GALNTL6: variants seen among roughly 807,000 people sequenced by gnomAD.
GALNTL6 encodes polypeptide N-acetylgalactosaminyltransferase-like 6.
GALNTL6 carries 46 observed loss-of-function variants against 73.7 expected under a neutral mutation model. The ratio of observed to expected loss-of-function variants is 0.62; its 90% confidence interval spans 0.49 to 0.80. GALNTL6 has a LOEUF of 0.80. Among genes scored for constraint, GALNTL6 ranks in the 30% least tolerant of loss-of-function variants. The pLI, the probability that GALNTL6 is intolerant of heterozygous loss-of-function variation, is 0.00. For missense variants in GALNTL6, 604 were observed against 755.0 expected, an observed-to-expected ratio of 0.80 and a Z score of 2.34; for synonymous variants, 259 against 263.7, an observed-to-expected ratio of 0.98 and a Z score of 0.17.
At chr4:171,822,512 G>A (rs746989208) in intron 2 of GALNTL6, among the ~76,000 whole-genome samples, 1 of 152,098 alleles carries the variant, frequency 6.6e-6, no homozygotes, top group African/African-American at 2.4e-5. Flanking sequence ...AAATTGCTTG[G>A]TACATGGTAA....
chr4:171,957,294 T>C (rs1309816741), intron 2 of GALNTL6, among the ~76,000 whole-genome samples: 5 of 152,236 alleles, frequency 3.3e-5, no homozygotes, highest in Admixed American at 3.3e-4. Flanking sequence ...GCTTTTACAA[T>C]GTGGGTTATT....
chr4:171,824,079 A>ATATG (rs1734760025), intron 2 of GALNTL6, among the ~76,000 whole-genome samples: 1 of 14,468 alleles, frequency 6.9e-5, no homozygotes, highest in African/African-American at 8.5e-5. Context: ...AATCCATTTT[A>ATATG]TATATATATA....
chr4:172,017,072 G>T (rs1579061972), intron 2 of GALNTL6, among the ~76,000 whole-genome samples: 1 of 152,264 alleles, frequency 6.6e-6, no homozygotes, highest in Non-Finnish European at 1.5e-5. Context: ...TAATAGGGGA[G>T]TTATTCCTGA....
chr4:172,868,408 A>G (rs982443906), intron 7 of GALNTL6, among the ~76,000 whole-genome samples: 1 of 152,222 alleles, frequency 6.6e-6, no homozygotes, highest in Non-Finnish European at 1.5e-5. Context: ...GAAAAAGGAT[A>G]TGAATACACG....
At chr4:172,775,053 T>C (rs1452208027) in intron 5 of GALNTL6, among the ~76,000 whole-genome samples, 1 of 151,526 alleles carries the variant, frequency 6.6e-6, no homozygotes, top group Non-Finnish European at 1.5e-5. Flanking sequence ...GTAACAATAG[T>C]TGGATGGTCT....
chr4:172,640,256 C>A (rs1231385654), intron 5 of GALNTL6, among the ~76,000 whole-genome samples: 1 of 152,132 alleles, frequency 6.6e-6, no homozygotes, highest in East Asian at 1.9e-4. Flanking sequence ...TCCCACGTGT[C>A]ACAGTGTGTT....
Position 171,988,452 on chromosome 4 carries a change from T to C in GALNTL6, c.138+173734T>C, listed in dbSNP as rs529967075. Among the ~76,000 whole-genome samples, 541 of 152,212 alleles carry C rather than the reference T, an allele frequency of 3.6e-3. 2 individuals carry two copies. The highest frequency in any genetic ancestry group is 6.0e-3 in the Non-Finnish European group (405 of 68,014). Reference sequence around the variant, plus strand: ...AGCCTAATGGGTGTCAGGGTCAGTCTAAGTGAAAGCGAAGAGAGGCTGGGA... The same window carrying C: ...AGCCTAATGGGTGTCAGGGTCAGTCCAAGTGAAAGCGAAGAGAGGCTGGGA... On this transcript the variant is annotated intron_variant, in intron 2 of 12. Transcript: ENST00000506823.
chr4:173,031,412 G>A (rs1368404862), intron 12 of GALNTL6, among the ~76,000 whole-genome samples: 1 of 152,202 alleles, frequency 6.6e-6, no homozygotes, highest in Admixed American at 6.5e-5. Flanking sequence ...TAACTATTTA[G>A]TTATAGCTAA....
At chr4:172,870,198 C>T (rs888739325) in intron 7 of GALNTL6, among the ~76,000 whole-genome samples, 3 of 152,030 alleles carry the variant, frequency 2.0e-5, no homozygotes, top group African/African-American at 7.2e-5. Context: ...CAAAAACAGC[C>T]TACTATTTGA....
At chr4:172,494,598 C>T (rs1341957282) in intron 5 of GALNTL6, among the ~76,000 whole-genome samples, 2 of 152,158 alleles carry the variant, frequency 1.3e-5, no homozygotes, top group African/African-American at 4.8e-5. Context: ...CAGTCCGAGT[C>T]CCAAAACCAC....
chr4:172,953,188 C>T (rs1749543804), intron 10 of GALNTL6, among the ~76,000 whole-genome samples: 1 of 152,132 alleles, frequency 6.6e-6, no homozygotes, highest in Non-Finnish European at 1.5e-5. Context: ...GCCCCAGGTC[C>T]CAAATTTAAA....
intron 2 of GALNTL6, among the ~76,000 whole-genome samples, chr4:172,172,333 G>T (rs1164847843): frequency 1.3e-5 from 2 of 152,038 alleles, no homozygotes; most frequent in Non-Finnish European, 2.9e-5. Context: ...AGGTAGCTGG[G>T]ACTACAGGCA....
chr4:171,982,178 T>A (rs1246991120), intron 2 of GALNTL6, among the ~76,000 whole-genome samples: 1 of 152,194 alleles, frequency 6.6e-6, no homozygotes, highest in Non-Finnish European at 1.5e-5. Context: ...TAACCACTTC[T>A]AATCTTCAGA....
At chr4:172,129,136 T>C (rs538075026) in intron 2 of GALNTL6, among the ~76,000 whole-genome samples, 1 of 152,318 alleles carries the variant, frequency 6.6e-6, no homozygotes, top group East Asian at 1.9e-4. Flanking sequence ...CCTTTAAGAC[T>C]CTTATCTCTT....
intron 2 of GALNTL6, among the ~76,000 whole-genome samples, chr4:172,223,389 A>G (rs757653643): frequency 2.5e-4 from 38 of 152,130 alleles, no homozygotes; most frequent in Non-Finnish European, 7.4e-5. Flanking sequence ...ATGTTCTGTA[A>G]TTGAGTTCAA....
At chr4:171,967,048 A>C (rs1306941596) in intron 2 of GALNTL6, among the ~76,000 whole-genome samples, 1 of 152,226 alleles carries the variant, frequency 6.6e-6, no homozygotes, top group Non-Finnish European at 1.5e-5. Context: ...AAAGCTGAGA[A>C]TATGAGAAAC....
chr4:171,892,887 C>A (rs1165839798), intron 2 of GALNTL6, among the ~76,000 whole-genome samples: 1 of 152,134 alleles, frequency 6.6e-6, no homozygotes, highest in African/African-American at 2.4e-5. Flanking sequence ...TGAAAGTTTT[C>A]TATCAAGCAC....
chr4:172,948,468 T>C (rs1749277389), intron 9 of GALNTL6, among the ~76,000 whole-genome samples: 1 of 152,078 alleles, frequency 6.6e-6, no homozygotes, highest in Non-Finnish European at 1.5e-5. Context: ...TTGTTTTTCT[T>C]TGAGACAGAG....
At chr4:172,685,774 A>T (rs374279463) in intron 5 of GALNTL6, among the ~76,000 whole-genome samples, 98 of 152,304 alleles carry the variant, frequency 6.4e-4, no homozygotes, top group African/African-American at 2.3e-3. Flanking sequence ...TTAGAAAAAA[A>T]AATATCCCTA....
Sources: allele counts gnomAD v4.1 joint callset (sites outside exome capture counted in the v4.1 genomes callset), GRCh38; gene constraint gnomAD v4.1.1; transcripts MANE v1.5; gene names NCBI Gene and HGNC (gene_info 2026-07-23, HGNC 2026-07-21).